The following VPS29 variants were observed in gnomAD, a reference collection of about 807,000 sequenced individuals.
VPS29 encodes the protein VPS29 retromer complex component, also known as vacuolar protein sorting-associated protein 29.
VPS29 carries 2 observed loss-of-function variants against 20.0 expected under a neutral mutation model. That is an observed-to-expected ratio of 0.10 (90% CI 0.04 to 0.31). The LOEUF (loss-of-function observed/expected upper bound fraction) is 0.31. Among genes scored for constraint, VPS29 ranks in the 10% least tolerant of loss-of-function variants. The probability of loss-of-function intolerance (pLI) is 1.00; values close to 1 mark genes in which losing one functional copy is unlikely to be tolerated. For missense variants in VPS29, 120 were observed against 215.3 expected (o/e 0.56, Z 2.77); for synonymous variants, 81 against 79.3 (o/e 1.02, Z -0.12).
At chr12:110,492,224 A>G in intron 3 of VPS29, 102 bp from the exon 4 acceptor site, 2 of 906,382 alleles carry the variant, frequency 2.2e-6, no homozygotes, top group African/African-American at 1.7e-5. Context: ...AATCTGTTAC[A>G]TATCACATGA....
chr12:110,492,112 GAAT>G lies in VPS29; in HGVS notation c.439_441del (p.Ile147del). On this transcript the variant is annotated inframe_deletion, in exon 4 of 4. Transcript: ENST00000549578. ...TGGATATCCATCAACACAAATGATG[GAAT>G]AATGTTTCTAGAAGAAAAAATAAAT... 3 of 1,610,054 alleles carry G rather than the reference GAAT, an allele frequency of 1.9e-6. No homozygotes were observed. Among genetic ancestry groups the G allele is most frequent in the Non-Finnish European group, 1.7e-6 (2 of 1,177,622 alleles).
In VPS29 at chr12:110,491,982, A is replaced by T; in HGVS notation, c.*23T>A. ...CAACAGGACAATGAAAAAAAACCAA[A>T]AATCATCAAGACAGGCCTGGCTTTA... On this transcript the variant is annotated 3_prime_UTR_variant, in exon 4 of 4. Coordinates refer to ENST00000549578, the MANE Select transcript of VPS29 (RefSeq NM_016226.5). 1 of 1,593,116 alleles carries T rather than the reference A, an allele frequency of 6.3e-7. No individual in the cohort carries two copies. The highest frequency in any genetic ancestry group is 1.1e-5 in the South Asian group (1 of 88,632).
intron 1 of VPS29, 123 bp downstream of exon 1, chr12:110,501,926 T>G (rs1456749072): frequency 1.9e-6 from 3 of 1,596,792 alleles, no homozygotes; most frequent in Non-Finnish European, 2.6e-6. Flanking sequence ...GGCCAGCGCC[T>G]GGGCCCTGAC....
chr12:110,499,266 T>C, intron 1 of VPS29: 1 of 364,838 alleles, frequency 2.7e-6, no homozygotes, highest in Non-Finnish European at 5.0e-6. Context: ...GGGGAAATAG[T>C]GTTACATAAC....
chr12:110,500,939 G>A (rs897068494), intron 1 of VPS29, among the ~76,000 whole-genome samples: 18 of 152,106 alleles, frequency 1.2e-4, no homozygotes, highest in African/African-American at 4.3e-4. Context: ...CAGCACTTTG[G>A]GAGGCCGAGG....
chr12:110,495,596 T>A (rs910332149), intron 2 of VPS29, among the ~76,000 whole-genome samples: 3 of 151,930 alleles, frequency 2.0e-5, no homozygotes, highest in African/African-American at 7.3e-5. Context: ...TAGTCTCAGC[T>A]ACTTGGGAGG....
At chr12:110,502,003 C>T (rs751430068) in intron 1 of VPS29, 46 bp downstream of exon 1, 2 of 1,613,110 alleles carry the variant, frequency 1.2e-6, no homozygotes, top group South Asian at 1.1e-5. Flanking sequence ...CAACGCAGCA[C>T]CCCACCCGAG....
In VPS29 at chr12:110,493,121, C is replaced by A. The variant is rs529121824; in HGVS notation, c.306G>T (p.Leu102Phe). The change falls in exon 3 of 4, where the codon TTG becomes TTT. Residue 102 changes from leucine (L) to phenylalanine (F), a missense_variant. Leu to Phe is a conservative substitution (Grantham distance 22, BLOSUM62 0). Coordinates refer to ENST00000549578, the MANE Select transcript of VPS29 (RefSeq NM_016226.5). ...PWGDMASLAL[L>F]QRQFDVDILI... ...GAATGTCCACATCAAATTGCCTCTGCAACAGGGCTAAGCTGGCCATATCTC... is the reference window on the plus strand; with the variant it reads ...GAATGTCCACATCAAATTGCCTCTGAAACAGGGCTAAGCTGGCCATATCTC... The A allele has an allele frequency of 6.2e-7, 1 of 1,614,012 alleles. No homozygotes were observed. The highest frequency in any genetic ancestry group is 1.3e-5 in the African/African-American group (1 of 75,026).
In VPS29 at chr12:110,497,051, T is replaced by C. The variant is rs553064222; in HGVS notation, c.4-848A>G. ...ACAATCTTTCATGTATATTAGAGCA[T>C]TAAAACAAAAAAGAGATCAGCTAAA... On this transcript the variant is annotated intron_variant, in intron 1 of 3. Transcript: ENST00000549578. The C allele has an allele frequency of 5.9e-5, 9 of 152,148 alleles. No individual in the cohort carries two copies. In the South Asian group the frequency reaches 1.2e-3, roughly 21 times the overall value. 9.4% of individuals were successfully genotyped at this position (152,148 alleles called of 1,614,324 possible). A position where few individuals can be genotyped will look rare whatever the true frequency, so the allele number is the denominator to read the frequency against.
rs117797662 is a variant in VPS29, at chr12:110,496,304, C to T, written c.4-101G>A. The T allele has an allele frequency of 8.7e-3, 8,781 of 1,011,294 alleles. 42 individuals are homozygous for T. The highest frequency in any genetic ancestry group is 9.8e-3 in the Non-Finnish European group (7,107 of 722,486). 62.6% of individuals were successfully genotyped at this position (1,011,294 alleles called of 1,614,324 possible). On this transcript the variant is annotated intron_variant, in intron 1 of 3. Transcript: ENST00000549578. ...CCCTTTTAAGTCTCATAAGAGATCC[C>T]GAATCCCAGAAATTATTCATAGGGT...
chr12:110,499,496 A>G, intron 1 of VPS29: 1 of 1,612,346 alleles, frequency 6.2e-7, no homozygotes, highest in East Asian at 2.2e-5. Flanking sequence ...ACAGCCACCC[A>G]ACCACCACTG....
At chr12:110,494,590 T>C (rs1408183539) in intron 2 of VPS29, among the ~76,000 whole-genome samples, 1 of 151,832 alleles carries the variant, frequency 6.6e-6, no homozygotes, top group African/African-American at 2.4e-5. Flanking sequence ...AGGTTTATTA[T>C]GCTACACCAT....
At position 110,496,085 on chromosome 12, in the gene VPS29, C is replaced by CA; in HGVS notation, c.121dup (p.Cys41LeufsTer7). 3 of 1,613,776 alleles carry CA rather than the reference C, an allele frequency of 1.9e-6. No homozygotes were observed. Among genetic ancestry groups the CA allele is most frequent in the Non-Finnish European group, 2.5e-6 (3 of 1,179,776 alleles). ...GAGATAGTCATAACTCTCTTTGGTG[C>CA]AAAGGTTTCCTGTGCAGAGAATGTG... On this transcript the variant is annotated frameshift_variant, in exon 2 of 4. Coordinates refer to ENST00000549578, the MANE Select transcript of VPS29 (RefSeq NM_016226.5). LOFTEE classifies it high-confidence loss of function.
chr12:110,500,963 T>C (rs888483611), intron 1 of VPS29, among the ~76,000 whole-genome samples: 4 of 152,132 alleles, frequency 2.6e-5, no homozygotes, highest in African/African-American at 9.7e-5. Context: ...GTGGATCATC[T>C]GAGGTCGGGA....
intron 2 of VPS29, among the ~76,000 whole-genome samples, chr12:110,495,529 G>A (rs959372345): frequency 2.6e-5 from 4 of 152,048 alleles, no homozygotes; most frequent in East Asian, 1.9e-4. Context: ...TTGCCAACAC[G>A]GCAAAACGCC....
intron 1 of VPS29, among the ~76,000 whole-genome samples, chr12:110,497,734 GA>G (rs1228120919): frequency 6.6e-6 from 1 of 151,212 alleles, no homozygotes; most frequent in Non-Finnish European, 1.5e-5. Flanking sequence ...TTACTAAAAA[GA>G]AAAATACAAA....
Position 110,502,054 on chromosome 12 carries a change from TGTCACCG to T in VPS29, c.-10_-4del. On this transcript the variant is annotated 5_prime_UTR_variant, in exon 1 of 4. Transcript: ENST00000549578. The stretch of plus-strand genomic sequence containing the variant: ...GCCGCAACTGCAGCCCTCACCATCC[TGTCACCG>T]GGCTCCGCTCAGTCACCACCACCGT... The T allele has an allele frequency of 6.2e-7, 1 of 1,612,342 alleles. No homozygotes were observed. The highest frequency in any genetic ancestry group is 8.5e-7 in the Non-Finnish European group (1 of 1,179,868).
chr12:110,493,548 G>A (rs1326187201), intron 2 of VPS29, among the ~76,000 whole-genome samples: 1 of 152,000 alleles, frequency 6.6e-6, no homozygotes, highest in African/African-American at 2.4e-5. Context: ...TTTTAGTAGA[G>A]ACGGAGTCTC....
intron 1 of VPS29, chr12:110,501,463 G>C (rs1158494769): frequency 6.5e-7 from 1 of 1,535,456 alleles, no homozygotes; most frequent in Non-Finnish European, 8.7e-7. Context: ...TCCAGCAATT[G>C]CAAGCGCCAA....
Sources: allele counts gnomAD v4.1 joint callset (sites outside exome capture counted in the v4.1 genomes callset), GRCh38; gene constraint gnomAD v4.1.1; transcripts MANE v1.5; gene names NCBI Gene and HGNC (gene_info 2026-07-23, HGNC 2026-07-21).